Variants in DNM2 observed in about 807,000 individuals in gnomAD.
The protein encoded by DNM2 is dynamin-2.
A neutral mutation model predicts 99.0 loss-of-function variants in DNM2; 15 were observed. The ratio of observed to expected loss-of-function variants is 0.15; its 90% CI spans 0.10 to 0.23. The LOEUF (loss-of-function observed/expected upper bound fraction) is 0.23. Ranked by LOEUF, DNM2 falls within the 10% of genes least tolerant of loss-of-function variation. DNM2 has a pLI of 1.00. For missense variants in DNM2, 742 were observed against 1,189.4 expected (o/e 0.62, Z 5.53); for synonymous variants, 525 against 481.2 (o/e 1.09, Z -1.19).
At position 10,734,653 on chromosome 19, in the gene DNM2, A is replaced by C. The variant is rs569753542; in HGVS notation, c.161+16250A>C. Among the ~76,000 whole-genome samples, 3 of 151,102 alleles carry C rather than the reference A, an allele frequency of 2.0e-5. No homozygotes were observed. The East Asian group carries it at 5.8e-4, about 29-fold the overall frequency. On this transcript the variant is annotated intron_variant, in intron 1 of 20. Coordinates refer to ENST00000389253, the MANE Select transcript of DNM2 (RefSeq NM_001005361.3). The stretch of plus-strand genomic sequence containing the variant: ...GACCCTGTCTCAAAAAAAAAAAAAA[A>C]AAAAAAAAGCCAAAGCCAGAATGTA...
chr19:10,775,629 C>A lies in DNM2; in HGVS notation c.386-74C>A. The stretch of plus-strand genomic sequence containing the variant: ...CCCGCGCAGGAACTTTGGTAGTCAG[C>A]TGGGTGGCTGCGGGCCTGTTTGTGC... On this transcript the variant is annotated intron_variant, in intron 3 of 20. Transcript: ENST00000389253. This position sits in a 1 kb window ranked among gnomAD's most constrained non-coding sequence, Gnocchi z 4.3. 1.3e-6 allele frequency: 2 copies of A among 1,554,952 alleles called. No individual in the cohort carries two copies. Among genetic ancestry groups the A allele is most frequent in the Non-Finnish European group, 1.8e-6 (2 of 1,127,742 alleles).
intron 7 of DNM2, among the ~76,000 whole-genome samples, chr19:10,788,761 A>G (rs2145988862): frequency 6.6e-6 from 1 of 152,208 alleles, no homozygotes; most frequent in East Asian, 1.9e-4. Context: ...CCTGTAAGGG[A>G]CCTTGAGGCA....
intron 1 of DNM2, among the ~76,000 whole-genome samples, chr19:10,755,732 C>T (rs916239026): frequency 2.0e-5 from 3 of 151,838 alleles, no homozygotes; most frequent in Non-Finnish European, 2.9e-5. Flanking sequence ...GATGCGATCT[C>T]GGCTCACTAC....
chr19:10,752,228 AAG>A (rs1271471889), intron 1 of DNM2, among the ~76,000 whole-genome samples: 1 of 152,186 alleles, frequency 6.6e-6, no homozygotes, highest in Non-Finnish European at 1.5e-5. Flanking sequence ...AAAAGGAAAA[AAG>A]AGTGTGTATG....
At chr19:10,797,864 ACAGTCTAG>A (rs1400207988) in intron 10 of DNM2, among the ~76,000 whole-genome samples, 1 of 152,082 alleles carries the variant, frequency 6.6e-6, no homozygotes. Flanking sequence ...GCATGTTCTC[ACAGTCTAG>A]GCCACCTGAG....
At chr19:10,807,167 G>T (rs547609734) in intron 13 of DNM2, among the ~76,000 whole-genome samples, 1 of 152,268 alleles carries the variant, frequency 6.6e-6, no homozygotes, top group East Asian at 1.9e-4. Context: ...CTGCCTCCCA[G>T]GTTCAAGCGA....
intron 1 of DNM2, among the ~76,000 whole-genome samples, chr19:10,758,443 TTCCTTCCC>T (rs2070490499): frequency 3.0e-5 from 1 of 33,026 alleles, no homozygotes; most frequent in Non-Finnish European, 5.7e-5. Flanking sequence ...CCCTCCCTCC[TTCCTTCCC>T]TCCCTCCTTC....
rs543831701 is a variant in DNM2 at position 10,722,656 on chromosome 19, T to C, written c.161+4253T>C. Among the ~76,000 whole-genome samples the C allele has an allele frequency of 1.2e-3, 183 of 151,720 alleles. 6 individuals are homozygous for C. The South Asian group carries it at 0.037, about 31-fold the overall frequency. The stretch of plus-strand genomic sequence containing the variant: ...CCGCGCCTGGCCTGAGATAGGGTCT[T>C]ATACTGTCACCCAGGCTAGAGTGCA... On this transcript the variant is annotated intron_variant, in intron 1 of 20. Coordinates refer to ENST00000389253, the MANE Select transcript of DNM2 (RefSeq NM_001005361.3).
At chr19:10,770,326 G>A (rs547617361) in intron 2 of DNM2, among the ~76,000 whole-genome samples, 2 of 152,278 alleles carry the variant, frequency 1.3e-5, no homozygotes, top group East Asian at 3.9e-4. Flanking sequence ...TCTTAAAAAC[G>A]ACAGGGCAGT....
At chr19:10,786,783 C>A in intron 7 of DNM2, 77 bp downstream of exon 7, 2 of 1,596,674 alleles carry the variant, frequency 1.3e-6, no homozygotes, top group East Asian at 2.3e-5. Context: ...CTAGGCTGGG[C>A]ACCACTCATC....
intron 6 of DNM2, among the ~76,000 whole-genome samples, chr19:10,784,316 C>T (rs564038189): frequency 5.9e-5 from 9 of 152,088 alleles, no homozygotes; most frequent in Non-Finnish European, 1.0e-4. Flanking sequence ...GCGCGGGGGC[C>T]GGGAAAAGAG....
rs1050538607 is a variant in DNM2 at position 10,764,100 on chromosome 19, G to T, written c.235+4289G>T. Among the ~76,000 whole-genome samples the T allele has an allele frequency of 1.7e-4, 26 of 152,292 alleles. No individual in the cohort carries two copies. The highest frequency in any genetic ancestry group is 5.8e-4 in the African/African-American group (24 of 41,552). ...TGATTGCTGGGGCCGGCGGGGCCTTGTGGGGTATACACCAGACCACGTGGC... is the reference window on the plus strand; with the variant it reads ...TGATTGCTGGGGCCGGCGGGGCCTTTTGGGGTATACACCAGACCACGTGGC... On this transcript the variant is annotated intron_variant, in intron 2 of 20. Transcript: ENST00000389253. The surrounding 1 kb of genome is among the most constrained non-coding windows in gnomAD (Gnocchi z 4.1).
intron 1 of DNM2, among the ~76,000 whole-genome samples, chr19:10,737,903 G>A (rs1461645394): frequency 4.6e-5 from 7 of 152,294 alleles, no homozygotes; most frequent in Admixed American, 1.3e-4. Context: ...ATAGGTAATC[G>A]GGGCACCCAT....
At position 10,740,096 on chromosome 19, in the gene DNM2, G is replaced by A. The variant is rs2069688365; in HGVS notation, c.162-19642G>A. Among the ~76,000 whole-genome samples, 3 of 151,898 alleles carry A rather than the reference G, an allele frequency of 2.0e-5. No individual in the cohort carries two copies. In the South Asian group the frequency reaches 6.2e-4, roughly 32 times the overall value. ...TTCCCTTATCATCTTTTTTATTTCTGAAAGGTTGGTAGTGATGTCTCCTCT... is the reference window on the plus strand; with the variant it reads ...TTCCCTTATCATCTTTTTTATTTCTAAAAGGTTGGTAGTGATGTCTCCTCT... On this transcript the variant is annotated intron_variant, in intron 1 of 20. Coordinates refer to ENST00000389253, the MANE Select transcript of DNM2 (RefSeq NM_001005361.3).
intron 1 of DNM2, among the ~76,000 whole-genome samples, chr19:10,727,591 A>G (rs1269346051): frequency 6.6e-6 from 1 of 151,704 alleles, no homozygotes; most frequent in African/African-American, 2.4e-5. Context: ...GCTAGTCTCA[A>G]ACCCCTGGGC....
Position 10,718,419 on chromosome 19 carries a change from A to C in DNM2, c.161+16A>C. ...TCGTGGGCCGGTGAGCGGGCGCGGC[A>C]GGGATCGCGGGCGGGTGGCGGCCTA... On this transcript the variant is annotated intron_variant, in intron 1 of 20. Coordinates refer to ENST00000389253, the MANE Select transcript of DNM2 (RefSeq NM_001005361.3). 1.4e-6 allele frequency: 2 copies of C among 1,446,084 alleles called. No individual in the cohort carries two copies. Among genetic ancestry groups the C allele is most frequent in the Non-Finnish European group, 1.8e-6 (2 of 1,097,718 alleles). The allele number at this position is 1,446,084 out of a possible 1,614,324, so 89.6% of individuals were successfully genotyped here.
intron 1 of DNM2, among the ~76,000 whole-genome samples, chr19:10,725,715 G>C (rs952804629): frequency 6.6e-6 from 1 of 152,122 alleles, no homozygotes; most frequent in Non-Finnish European, 1.5e-5. Context: ...TTGTGATCTC[G>C]TTGGTTGGCT....
At chr19:10,794,736 C>T (rs1035619313) in intron 8 of DNM2, among the ~76,000 whole-genome samples, 1 of 150,736 alleles carries the variant, frequency 6.6e-6, no homozygotes, top group African/African-American at 2.5e-5. Flanking sequence ...CAGAGCCAGA[C>T]CCTATCTCAA....
At chr19:10,760,500 G>A (rs563010386) in intron 2 of DNM2, among the ~76,000 whole-genome samples, 7 of 152,130 alleles carry the variant, frequency 4.6e-5, no homozygotes, top group East Asian at 3.9e-4. Context: ...CCCAGAGAAC[G>A]AGTCATTCCC....
Sources: gnomAD v4.1 joint callset for allele counts (sites outside exome capture counted in the v4.1 genomes callset) on GRCh38, gnomAD v4.1.1 for gene constraint, Gnocchi (gnomAD v3.1) non-coding constraint, MANE v1.5 for transcripts, NCBI Gene and HGNC (gene_info 2026-07-23, HGNC 2026-07-21) for gene names.